ACADL: variants seen among roughly 807,000 people sequenced by gnomAD.
The protein encoded by ACADL is acyl-CoA dehydrogenase long chain, also known as long-chain specific acyl-CoA dehydrogenase, mitochondrial.
ACADL carries 60 observed loss-of-function variants against 56.9 expected under a neutral mutation model. The ratio of observed to expected loss-of-function variants is 1.05; its 90% CI spans 0.86 to 1.31. The LOEUF (loss-of-function observed/expected upper bound fraction) is 1.31, where lower values mean the gene tolerates loss of function less well. Ranked by LOEUF, ACADL falls within the 50% of genes most tolerant of loss-of-function variation. ACADL has a pLI of 0.00. For missense variants in ACADL, 484 were observed against 525.5 expected, an observed-to-expected ratio of 0.92 and a Z score of 0.77; for synonymous variants, 158 against 179.7, an observed-to-expected ratio of 0.88 and a Z score of 0.97.
At chr2:210,197,640 G>T (rs1278326685) in intron 8 of ACADL, among the ~76,000 whole-genome samples, 1 of 152,104 alleles carries the variant, frequency 6.6e-6, no homozygotes, top group East Asian at 1.9e-4. Context: ...AATAAGGGTG[G>T]ATCCAACAAG....
chr2:210,190,312 A>G (rs1178720038), intron 10 of ACADL, among the ~76,000 whole-genome samples: 1 of 152,118 alleles, frequency 6.6e-6, no homozygotes, highest in Non-Finnish European at 1.5e-5. Flanking sequence ...GGATTTTGCT[A>G]TTCTCTACAA....
intron 3 of ACADL, chr2:210,217,707 C>T (rs1423621786): frequency 2.3e-6 from 1 of 439,668 alleles, no homozygotes. Context: ...TAACCATAAG[C>T]ATTGACAGGA....
chr2:210,200,074 G>C (rs1688769481), intron 8 of ACADL, among the ~76,000 whole-genome samples: 1 of 152,072 alleles, frequency 6.6e-6, no homozygotes, highest in African/African-American at 2.4e-5. Flanking sequence ...AAACATTTTT[G>C]ATGTTTAAGT....
intron 8 of ACADL, among the ~76,000 whole-genome samples, chr2:210,196,535 T>A (rs574785779): frequency 6.6e-6 from 1 of 152,316 alleles, no homozygotes; most frequent in Admixed American, 6.5e-5. Context: ...ATTTCATTCC[T>A]GACTCTAGGC....
rs763318034 is a variant in ACADL, at chr2:210,218,014, C to G, written c.322G>C (p.Gly108Arg). Residue 108 changes from glycine to arginine, a missense_variant, in exon 3 of 11, where the codon GGT becomes CGT. Gly to Arg is a moderately radical substitution (Grantham distance 125). Transcript: ENST00000233710. Reference sequence around the variant, plus strand: ...GAGTACAGATCCCCTCCAATTCCACCAAGATGCTCTGCAATATTGACACCA... The same window carrying G: ...GAGTACAGATCCCCTCCAATTCCACGAAGATGCTCTGCAATATTGACACCA... Reference protein sequence around the residue: ...LLGVNIAEHLGGIGGDLYSAA... With the variant: ...LLGVNIAEHLRGIGGDLYSAA... 8 of 1,614,060 alleles carry G rather than the reference C, an allele frequency of 5.0e-6. No individual in the cohort carries two copies. In the South Asian group the frequency reaches 7.7e-5, roughly 16 times the overall value.
rs539770026 is a variant in ACADL, at chr2:210,205,912, C to T, written c.604-116G>A. 9.0e-5 allele frequency: 109 copies of T among 1,216,050 alleles called. 1 individual carries two copies. The highest frequency in any genetic ancestry group is 1.3e-4 in the Non-Finnish European group (105 of 831,880). 75.3% of individuals were successfully genotyped at this position (1,216,050 alleles called of 1,614,324 possible). On this transcript the variant is annotated intron_variant, in intron 5 of 10. Coordinates refer to ENST00000233710, the MANE Select transcript of ACADL (RefSeq NM_001608.4). ...AAAACAGACAAGACATGCTTGATAC[C>T]TCTCTCTGTACCCTACCCAAATATC...
intron 1 of ACADL, among the ~76,000 whole-genome samples, chr2:210,222,802 C>T (rs1049670896): frequency 6.6e-6 from 1 of 152,172 alleles, no homozygotes; most frequent in African/African-American, 2.4e-5. Flanking sequence ...ATGCAGGGGA[C>T]CTTGACCATT....
At chr2:210,206,217 C>T (rs113130602) in intron 5 of ACADL, among the ~76,000 whole-genome samples, 1 of 152,032 alleles carries the variant, frequency 6.6e-6, no homozygotes, top group Non-Finnish European at 1.5e-5. Context: ...GCAAGAGGAT[C>T]ATTTGAGCTC....
chr2:210,219,740 C>T (rs766201330), intron 2 of ACADL, among the ~76,000 whole-genome samples: 4 of 152,012 alleles, frequency 2.6e-5, no homozygotes, highest in Non-Finnish European at 5.9e-5. Flanking sequence ...CACATTCAGT[C>T]GAAAACATGC....
chr2:210,209,900 C>T, intron 5 of ACADL: 3 of 290,864 alleles, frequency 1.0e-5, no homozygotes, highest in Admixed American at 4.8e-5. Flanking sequence ...AATATTTGTC[C>T]CACATTTGGG....
Position 210,220,633 on chromosome 2 carries a change from A to G in ACADL, c.233+14T>C. The G allele has an allele frequency of 6.2e-7, 1 of 1,611,848 alleles. No individual in the cohort carries two copies. The highest frequency in any genetic ancestry group is 8.5e-7 in the Non-Finnish European group (1 of 1,178,698). On this transcript the variant is annotated intron_variant, in intron 2 of 10. Transcript: ENST00000233710. ...CCTAGTATACATTACATTAGAGGAA[A>G]ATGTGCCACTTACTCTGAGTGATGA...
At chr2:210,196,455 C>T (rs1481964075) in intron 8 of ACADL, among the ~76,000 whole-genome samples, 1 of 152,042 alleles carries the variant, frequency 6.6e-6, no homozygotes, top group Non-Finnish European at 1.5e-5. Flanking sequence ...AACCCATTAG[C>T]ATTTTTGGAA....
At chr2:210,201,172 G>A (rs1688786026) in intron 8 of ACADL, among the ~76,000 whole-genome samples, 1 of 152,176 alleles carries the variant, frequency 6.6e-6, no homozygotes, top group Non-Finnish European at 1.5e-5. Context: ...CTGTTCCTGT[G>A]TGATGACCTA....
rs1236481217 is a variant in ACADL, at chr2:210,203,382, C to T, written c.933G>A (p.Arg311=). ...SASEFMFEET[R]NYVKQRKAFG... The stretch of plus-strand genomic sequence containing the variant: ...AAGCTTTTCTTTGTTTAACATAGTT[C>T]CTGGTTTCTTCAAACATGAATTCAC... Residue 311 remains arginine, a synonymous_variant, in exon 8 of 11, where the codon AGG becomes AGA. Coordinates refer to ENST00000233710, the MANE Select transcript of ACADL (RefSeq NM_001608.4). The T allele has an allele frequency of 1.2e-6, 2 of 1,611,356 alleles. No homozygotes were observed. Among genetic ancestry groups the T allele is most frequent in the South Asian group, 1.1e-5 (1 of 91,020 alleles).
At chr2:210,205,941 A>G (rs1688881862) in intron 5 of ACADL, 145 bp from the exon 6 acceptor site, 1 of 898,948 alleles carries the variant, frequency 1.1e-6, no homozygotes, top group East Asian at 2.6e-5. Context: ...AAATATCTGC[A>G]AAGTTGATTA....
At chr2:210,194,393 A>G (rs567757007) in intron 9 of ACADL, among the ~76,000 whole-genome samples, 1 of 152,294 alleles carries the variant, frequency 6.6e-6, no homozygotes, top group East Asian at 1.9e-4. Flanking sequence ...AATTTATTCT[A>G]AGTTACTCTT....
chr2:210,195,077 T>A (rs2125709230), intron 9 of ACADL, 134 bp downstream of exon 9: 4 of 1,149,622 alleles, frequency 3.5e-6, no homozygotes, highest in Non-Finnish European at 5.0e-6. Flanking sequence ...CATTTTTTTT[T>A]AAAGTGGAGT....
At chr2:210,200,567 T>G (rs1688775764) in intron 8 of ACADL, among the ~76,000 whole-genome samples, 1 of 152,148 alleles carries the variant, frequency 6.6e-6, no homozygotes, top group Admixed American at 6.6e-5. Flanking sequence ...TCCTTGCTCT[T>G]AAGGAAATCA....
chr2:210,217,384 G>C (rs975999318), intron 3 of ACADL: 1 of 152,506 alleles, frequency 6.6e-6, no homozygotes, highest in East Asian at 1.9e-4. Context: ...GCCACCAATA[G>C]TGTATGTCAC....
Sources: gnomAD v4.1 joint callset for allele counts (sites outside exome capture counted in the v4.1 genomes callset) on GRCh38, gnomAD v4.1.1 for gene constraint, MANE v1.5 for transcripts, NCBI Gene and HGNC (gene_info 2026-07-23, HGNC 2026-07-21) for gene names.